TMEM184B: variants seen among roughly 807,000 people sequenced by gnomAD.
TMEM184B encodes the protein putative MAPK-activating protein FM08.
A neutral mutation model predicts 41.8 loss-of-function variants in TMEM184B; 17 were observed. The observed-to-expected ratio is 0.41, with a 90% confidence interval of 0.28 to 0.61. The LOEUF (loss-of-function observed/expected upper bound fraction) is 0.61, where lower values mean the gene tolerates loss of function less well. TMEM184B is among the 20% of genes least tolerant of loss of function. The probability of loss-of-function intolerance (pLI) is 0.34; values close to 1 mark genes in which losing one functional copy is unlikely to be tolerated. For synonymous variants in TMEM184B, 240 were observed against 229.5 expected (o/e 1.05, Z -0.41); for missense variants, 393 against 557.8 (o/e 0.70, Z 2.98).
rs190893555 is a variant in TMEM184B, at chr22:38,247,034, G to A, written c.192+736C>T. On this transcript the variant is annotated intron_variant, in intron 2 of 8. Coordinates refer to ENST00000361906, the MANE Select transcript of TMEM184B (RefSeq NM_012264.5). ...AGACTCACCCTGCCCCTCTCCACTG[G>A]ACCACCTTCAAACCTCTGCAGCCAC... is the stretch of plus-strand genomic sequence containing the variant. 9 of 387,816 alleles carry A rather than the reference G, an allele frequency of 2.3e-5. No homozygotes were observed. The East Asian group carries it at 8.3e-4, about 36-fold the overall frequency. The allele number at this position is 387,816 out of a possible 1,614,324, so 24.0% of individuals were successfully genotyped here. A position where few individuals can be genotyped will look rare whatever the true frequency, so the allele number is the denominator to read the frequency against.
At position 38,219,683 on chromosome 22, in the gene TMEM184B, C is replaced by T. The variant is rs181653509; in HGVS notation, c.*1786G>A. 9.1e-6 allele frequency: 9 copies of T among 985,474 alleles called. No individual in the cohort carries two copies. Among genetic ancestry groups the T allele is most frequent in the East Asian group, 1.1e-4 (1 of 8,818 alleles). 61.0% of individuals were successfully genotyped at this position (985,474 alleles called of 1,614,324 possible). ...CACGCAAACAGCAACGCTGGGCAGG[C>T]GAAAACCAAGGGAGTGGGAATCAGC... On this transcript the variant is annotated 3_prime_UTR_variant, in exon 9 of 9. Transcript: ENST00000361906.
intron 1 of TMEM184B, among the ~76,000 whole-genome samples, chr22:38,254,204 CAAAA>C (rs61216492): frequency 1.2e-5 from 1 of 86,552 alleles, no homozygotes; most frequent in Admixed American, 1.3e-4. Flanking sequence ...CTCTTGTCTC[CAAAA>C]AAAAAAAAAA....
chr22:38,243,308 C>T (rs6001068), intron 3 of TMEM184B, among the ~76,000 whole-genome samples: 48,795 of 152,028 alleles, frequency 0.32, 8,001 homozygotes, highest in Middle Eastern at 0.38. Context: ...CTCTGGGGCA[C>T]GGAGTGAGAG....
chr22:38,248,583 C>CT (rs1337555367), intron 1 of TMEM184B, among the ~76,000 whole-genome samples: 1 of 152,256 alleles, frequency 6.6e-6, no homozygotes. Flanking sequence ...GCCTGACTCC[C>CT]TGCTTTCCTT....
Position 38,226,821 on chromosome 22 carries a change from A to G in TMEM184B, c.575T>C (p.Val192Ala), listed in dbSNP as rs761153034. 1 of 1,606,308 alleles carries G rather than the reference A, an allele frequency of 6.2e-7. No homozygotes were observed. The highest frequency in any genetic ancestry group is 1.1e-5 in the South Asian group (1 of 89,390). ...VVKPLMAVST[V>A]VLQAFGKYRD... Reference sequence around the variant, plus strand: ...GTACTTGCCGAAGGCCTGGAGGACCACAGTGCTGACCGCCATGAGTGGCTT... The same window carrying G: ...GTACTTGCCGAAGGCCTGGAGGACCGCAGTGCTGACCGCCATGAGTGGCTT... The change falls in exon 6 of 9, where the codon GTG becomes GCG. Residue 192 changes from valine to alanine, a missense_variant. Around this residue, in one of 2 missense-constraint regions of TMEM184B, gnomAD observed 271 missense variants for 434.1 expected, o/e 0.62. Transcript: ENST00000361906. The surrounding 1 kb of genome is among the most constrained non-coding windows in gnomAD (Gnocchi z 4.6).
At chr22:38,267,642 AG>A (rs1474262536) in intron 1 of TMEM184B, among the ~76,000 whole-genome samples, 1 of 152,048 alleles carries the variant, frequency 6.6e-6, no homozygotes, top group African/African-American at 2.4e-5. Flanking sequence ...CATGTTGGCC[AG>A]GCTGGTCTCC....
At chr22:38,242,228 G>A (rs6001066) in intron 3 of TMEM184B, among the ~76,000 whole-genome samples, 49,547 of 151,618 alleles carry the variant, frequency 0.33, 8,230 homozygotes, top group Admixed American at 0.38. Flanking sequence ...AGCACTTTGG[G>A]AGGCCAAGGC....
In TMEM184B at chr22:38,219,389, T is replaced by TA; in HGVS notation, c.*2079dup. The TA allele has an allele frequency of 7.1e-6, 7 of 985,816 alleles. No homozygotes were observed. The highest frequency in any genetic ancestry group is 8.4e-6 in the Non-Finnish European group (7 of 829,926). 61.1% of individuals were successfully genotyped at this position (985,816 alleles called of 1,614,324 possible). ...ATTTAAAATGTCACAGAGACCAAAATAGAGTGGCTTTCTGGTGGAACTCAT... is the reference window on the plus strand; with the variant it reads ...ATTTAAAATGTCACAGAGACCAAAATAAGAGTGGCTTTCTGGTGGAACTCAT... On this transcript the variant is annotated 3_prime_UTR_variant, in exon 9 of 9. Transcript: ENST00000361906.
downstream of TMEM184B, among the ~76,000 whole-genome samples, chr22:38,218,588 C>T (rs532869719): frequency 2.6e-5 from 4 of 152,100 alleles, no homozygotes; most frequent in South Asian, 2.1e-4. Context: ...GATTTGAGTC[C>T]GGGAAAGGGC....
At chr22:38,261,087 A>T (rs2092362647) in intron 1 of TMEM184B, among the ~76,000 whole-genome samples, 1 of 151,892 alleles carries the variant, frequency 6.6e-6, no homozygotes, top group African/African-American at 2.4e-5. Context: ...CTCTGCTCCC[A>T]CTCCAGCCGC....
intron 8 of TMEM184B, chr22:38,222,750 T>C: frequency 2.1e-6 from 2 of 974,908 alleles, no homozygotes; most frequent in Non-Finnish European, 2.4e-6. Context: ...GACAGCTGAG[T>C]GAACAATGTG....
At chr22:38,237,629 G>A (rs2091808443) in intron 3 of TMEM184B, among the ~76,000 whole-genome samples, 1 of 152,222 alleles carries the variant, frequency 6.6e-6, no homozygotes, top group African/African-American at 2.4e-5. Flanking sequence ...AATCTTCTCT[G>A]CTCAGAAAAT....
In TMEM184B at chr22:38,220,132, G is replaced by A; in HGVS notation, c.*1337C>T. 7 of 985,416 alleles carry A rather than the reference G, an allele frequency of 7.1e-6. No individual in the cohort carries two copies. The highest frequency in any genetic ancestry group is 3.5e-5 in the African/African-American group (2 of 57,326). The allele number at this position is 985,416 out of a possible 1,614,324, so 61.0% of individuals were successfully genotyped here. A position where few individuals can be genotyped will look rare whatever the true frequency, so the allele number is the denominator to read the frequency against. The stretch of plus-strand genomic sequence containing the variant: ...CACTTTGCCTGTAGGGACACGTGTT[G>A]TGACACGAGGCTCTTCCTAAGTCAG... On this transcript the variant is annotated 3_prime_UTR_variant, in exon 9 of 9. Coordinates refer to ENST00000361906, the MANE Select transcript of TMEM184B (RefSeq NM_012264.5).
chr22:38,258,033 C>T lies in TMEM184B; in HGVS notation c.-58-10014G>A, dbSNP rs936197228. The stretch of plus-strand genomic sequence containing the variant: ...CCCCACCTCCCCCACATACAGCCTA[C>T]CTGCCAGTGAGTGCAGTCTCCACAC... On this transcript the variant is annotated intron_variant, in intron 1 of 8. Coordinates refer to ENST00000361906, the MANE Select transcript of TMEM184B (RefSeq NM_012264.5). Among the ~76,000 whole-genome samples, 3 of 152,170 alleles carry T rather than the reference C, an allele frequency of 2.0e-5. No individual in the cohort carries two copies. In the South Asian group the frequency reaches 6.2e-4, roughly 32 times the overall value.
At chr22:38,237,734 T>C (rs542759160) in intron 3 of TMEM184B, among the ~76,000 whole-genome samples, 5 of 151,886 alleles carry the variant, frequency 3.3e-5, no homozygotes, top group Non-Finnish European at 7.4e-5. Flanking sequence ...GGGGCAGGGG[T>C]CTGCGTGGTA....
At position 38,224,878 on chromosome 22, in the gene TMEM184B, A is replaced by C; in HGVS notation, c.889T>G (p.Phe297Val). 2 of 1,613,728 alleles carry C rather than the reference A, an allele frequency of 1.2e-6. No individual in the cohort carries two copies. Among genetic ancestry groups the C allele is most frequent in the Non-Finnish European group, 1.7e-6 (2 of 1,179,970 alleles). The change falls in exon 8 of 9, where the codon TTC becomes GTC. Residue 297 changes from phenylalanine to valine, a missense_variant. Transcript: ENST00000361906. ...AAGAACATCTCCACACAGATGATGA[A>C]GTCCTGGTAGCCGGCAGCCACGGTG... ...EGTVAAGYQD[F>V]IICVEMFFAA...
intron 1 of TMEM184B, chr22:38,272,434 C>A (rs1440133913): frequency 1.0e-6 from 1 of 981,340 alleles, no homozygotes. Context: ...CCCCGAAAGC[C>A]CCCCGCCGAC....
At chr22:38,260,375 C>T (rs2092353039) in intron 1 of TMEM184B, among the ~76,000 whole-genome samples, 1 of 152,118 alleles carries the variant, frequency 6.6e-6, no homozygotes, top group African/African-American at 2.4e-5. Flanking sequence ...TTTTAAGTCA[C>T]TAAGTTTCTG....
chr22:38,220,897 T>C lies in TMEM184B; in HGVS notation c.*572A>G. 1.0e-6 allele frequency: 1 copy of C among 986,534 alleles called. No homozygotes were observed. The highest frequency in any genetic ancestry group is 1.2e-6 in the Non-Finnish European group (1 of 830,406). The allele number at this position is 986,534 out of a possible 1,614,324, so 61.1% of individuals were successfully genotyped here. A position where few individuals can be genotyped will look rare whatever the true frequency, so the allele number is the denominator to read the frequency against. ...GCCTGTGACTCCTGGTGTCTGGCTC[T>C]GATCCTTGCAGCATGCCACAGAGGC... On this transcript the variant is annotated 3_prime_UTR_variant, in exon 9 of 9. Transcript: ENST00000361906.
Sources: allele counts gnomAD v4.1 joint callset (sites outside exome capture counted in the v4.1 genomes callset), GRCh38; gene constraint gnomAD v4.1.1; regional missense constraint gnomAD v4.1.1; non-coding constraint Gnocchi (gnomAD v3.1); transcripts MANE v1.5; gene names NCBI Gene and HGNC (gene_info 2026-07-23, HGNC 2026-07-21).